MAP2: variants seen among roughly 807,000 people sequenced by gnomAD.
MAP2 encodes the protein microtubule associated protein 2, also known as microtubule-associated protein 2.
In MAP2, 14 loss-of-function variants were observed where a neutral mutation model predicts 137.6. That is an observed-to-expected ratio of 0.10 (90% CI 0.07 to 0.16). MAP2 has a LOEUF of 0.16. MAP2 is among the 10% of genes least tolerant of loss of function. The pLI, the probability that MAP2 is intolerant of heterozygous loss-of-function variation, is 1.00. For missense variants in MAP2, 2,088 were observed against 2,191.5 expected (o/e 0.95, Z 0.94); for synonymous variants, 786 against 782.3 (o/e 1.00, Z -0.08).
chr2:209,636,321 A>G (rs2093559001), intron 4 of MAP2, among the ~76,000 whole-genome samples: 1 of 152,116 alleles, frequency 6.6e-6, no homozygotes, highest in Non-Finnish European at 1.5e-5. Flanking sequence ...GGGCCAACAC[A>G]ATCAAAAAAG....
At chr2:209,707,793 T>A (rs2063935355) in intron 12 of MAP2, among the ~76,000 whole-genome samples, 1 of 152,154 alleles carries the variant, frequency 6.6e-6, no homozygotes, top group Non-Finnish European at 1.5e-5. Flanking sequence ...TTTCTCCAGA[T>A]GTAACATAAA....
At chr2:209,640,821 T>C (rs2093962992) in intron 4 of MAP2, among the ~76,000 whole-genome samples, 1 of 151,774 alleles carries the variant, frequency 6.6e-6, no homozygotes, top group Non-Finnish European at 1.5e-5. Flanking sequence ...TAGAAAACTA[T>C]CAAGCATCTA....
chr2:209,465,815 G>T (rs529845250), intron 1 of MAP2, among the ~76,000 whole-genome samples: 8 of 152,254 alleles, frequency 5.3e-5, no homozygotes, highest in African/African-American at 1.7e-4. Context: ...TAGTTGTGCA[G>T]AGGTGTAATT....
chr2:209,543,543 T>A (rs537949230), intron 2 of MAP2, among the ~76,000 whole-genome samples: 1 of 152,218 alleles, frequency 6.6e-6, no homozygotes, highest in East Asian at 1.9e-4. Context: ...TACTCAGATA[T>A]TGATTTTGCA....
At chr2:209,704,366 A>T in intron 11 of MAP2, 1 of 1,202,720 alleles carries the variant, frequency 8.3e-7, no homozygotes, top group Non-Finnish European at 1.2e-6. Context: ...TGAGTTTCTT[A>T]TATGTTTATA....
intron 2 of MAP2, among the ~76,000 whole-genome samples, chr2:209,577,683 C>G (rs1206553311): frequency 1.3e-5 from 2 of 152,162 alleles, no homozygotes; most frequent in Non-Finnish European, 2.9e-5. Context: ...TTTAACTTGT[C>G]TATACCTAGA....
intron 7 of MAP2, 120 bp downstream of exon 7, chr2:209,680,947 T>A: frequency 1.7e-6 from 1 of 587,416 alleles, no homozygotes; most frequent in South Asian, 4.1e-5. Flanking sequence ...GAGCTATCTG[T>A]TTCAAATAAT....
intron 4 of MAP2, among the ~76,000 whole-genome samples, chr2:209,641,575 T>G (rs2094024533): frequency 6.6e-6 from 1 of 151,438 alleles, no homozygotes; most frequent in Admixed American, 6.6e-5. Context: ...TAGTAAGCGG[T>G]AGACCCAGGA....
chr2:209,587,095 G>A (rs1559359471), intron 3 of MAP2, among the ~76,000 whole-genome samples: 1 of 152,020 alleles, frequency 6.6e-6, no homozygotes, highest in African/African-American at 2.4e-5. Flanking sequence ...TGGGGACGTG[G>A]TTCTATATAA....
chr2:209,525,291 T>C (rs1485789481), intron 2 of MAP2, among the ~76,000 whole-genome samples: 5 of 152,198 alleles, frequency 3.3e-5, no homozygotes, highest in African/African-American at 1.2e-4. Context: ...ATATAGAGAT[T>C]AATTTTTCAT....
intron 13 of MAP2, among the ~76,000 whole-genome samples, chr2:209,717,337 T>A (rs941704096): frequency 6.6e-6 from 1 of 151,996 alleles, no homozygotes; most frequent in Non-Finnish European, 1.5e-5. Flanking sequence ...AATCATCAGA[T>A]CTCATGAGAA....
intron 5 of MAP2, among the ~76,000 whole-genome samples, chr2:209,675,415 T>C (rs2050877279): frequency 6.6e-6 from 1 of 151,932 alleles, no homozygotes. Flanking sequence ...ACTGCTTTGC[T>C]GAAACTAAAT....
chr2:209,717,014 C>G (rs1224406959), intron 13 of MAP2, among the ~76,000 whole-genome samples: 3 of 151,862 alleles, frequency 2.0e-5, no homozygotes, highest in Non-Finnish European at 4.4e-5. Context: ...AAGAAGGAGA[C>G]ATAGAGAGGG....
At chr2:209,495,217 G>A (rs557454921) in intron 1 of MAP2, among the ~76,000 whole-genome samples, 5 of 152,284 alleles carry the variant, frequency 3.3e-5, no homozygotes, top group African/African-American at 7.2e-5. Context: ...CCCATCTCCC[G>A]GCGACAGAGC....
chr2:209,732,912 G>A lies in MAP2; in HGVS notation c.*2515G>A, dbSNP rs879494197. Reference sequence around the variant, plus strand: ...TAAAGTTAACAGAAAGGAACTGATCGTTTGTACCAGTAAAAGAGAGAAACA... The same window carrying A: ...TAAAGTTAACAGAAAGGAACTGATCATTTGTACCAGTAAAAGAGAGAAACA... On this transcript the variant is annotated 3_prime_UTR_variant, in exon 16 of 16. Coordinates refer to ENST00000682079, the MANE Select transcript of MAP2 (RefSeq NM_001375505.1). 7 of 152,558 alleles carry A rather than the reference G, an allele frequency of 4.6e-5. No homozygotes were observed. Among genetic ancestry groups the A allele is most frequent in the Admixed American group, 1.3e-4 (2 of 15,262 alleles). The allele number at this position is 152,558 out of a possible 1,614,324, so 9.5% of individuals were successfully genotyped here. A position where few individuals can be genotyped will look rare whatever the true frequency, so the allele number is the denominator to read the frequency against.
At chr2:209,484,957 G>A (rs116233975) in intron 1 of MAP2, among the ~76,000 whole-genome samples, 175 of 152,306 alleles carry the variant, frequency 1.1e-3, no homozygotes, top group African/African-American at 3.3e-3. Flanking sequence ...AAATCGGGCC[G>A]ATAGAAACGC....
chr2:209,653,126 A>G lies in MAP2; in HGVS notation c.-29-16A>G, dbSNP rs907307033. ...AGATTTCCCCAAAGTAATAGCTACT[A>G]TTTTTTCTCTTTCAGTTGCAGGAGA... On this transcript the variant is annotated splice_polypyrimidine_tract_variant and intron_variant, in intron 4 of 15. Coordinates refer to ENST00000682079, the MANE Select transcript of MAP2 (RefSeq NM_001375505.1). 12 of 1,532,380 alleles carry G rather than the reference A, an allele frequency of 7.8e-6. No individual in the cohort carries two copies. The African/African-American group carries it at 1.2e-4, about 16-fold the overall frequency. The allele number at this position is 1,532,380 out of a possible 1,614,324, so 94.9% of individuals were successfully genotyped here.
intron 1 of MAP2, among the ~76,000 whole-genome samples, chr2:209,448,082 T>TC (rs1252249782): frequency 6.6e-6 from 1 of 152,086 alleles, no homozygotes; most frequent in Non-Finnish European, 1.5e-5. Context: ...TGCAGTATCA[T>TC]CCTTCACCAT....
At position 209,695,031 on chromosome 2, in the gene MAP2, A is replaced by G; in HGVS notation, c.2861A>G (p.Lys954Arg). Residue 954 changes from lysine (K) to arginine (R), a missense_variant, in exon 8 of 16, where the codon AAG becomes AGG. Physicochemically the swap from Lys to Arg is conservative, Grantham distance 26. Transcript: ENST00000682079. ...SGLSKEFDQE[K>R]KANDRLDTVL... is the part of the protein sequence containing the mutation. ...CTGAGTAAGGAGTTTGACCAAGAGA[A>G]GAAAGCTAATGATAGGTTGGATACT... 1 of 1,614,182 alleles carries G rather than the reference A, an allele frequency of 6.2e-7. No homozygotes were observed. Among genetic ancestry groups the G allele is most frequent in the Non-Finnish European group, 8.5e-7 (1 of 1,180,028 alleles).
Sources: allele counts gnomAD v4.1 joint callset (sites outside exome capture counted in the v4.1 genomes callset), GRCh38; gene constraint gnomAD v4.1.1; transcripts MANE v1.5; gene names NCBI Gene and HGNC (gene_info 2026-07-23, HGNC 2026-07-21).